The following TBC1D4 variants were observed in gnomAD, a reference collection of about 807,000 sequenced individuals.
The protein encoded by TBC1D4 is TBC (Tre-2, BUB2, CDC16) domain-containing protein.
A neutral mutation model predicts 142.5 loss-of-function variants in TBC1D4; 121 were observed. That is an observed-to-expected ratio of 0.85 (90% CI 0.73 to 0.99). TBC1D4 has a LOEUF of 0.99. Ranked by LOEUF, TBC1D4 falls within the 50% of genes least tolerant of loss-of-function variation. TBC1D4 has a pLI of 0.00. For synonymous variants in TBC1D4, 630 were observed against 628.2 expected, an observed-to-expected ratio of 1.00 and a Z score of -0.04; for missense variants, 1,475 against 1,606.6, an observed-to-expected ratio of 0.92 and a Z score of 1.40.
At chr13:75,331,432 C>T (rs994127523) in intron 8 of TBC1D4, among the ~76,000 whole-genome samples, 5 of 151,950 alleles carry the variant, frequency 3.3e-5, no homozygotes, top group East Asian at 3.9e-4. Context: ...CCCAGGAGTT[C>T]GAGGCTGCAG....
intron 12 of TBC1D4, among the ~76,000 whole-genome samples, chr13:75,315,514 T>C (rs1337508456): frequency 6.6e-6 from 1 of 151,840 alleles, no homozygotes. Context: ...AAATGTTCTA[T>C]ATATAATAGT....
At chr13:75,367,602 T>G (rs1462348562) in intron 1 of TBC1D4, among the ~76,000 whole-genome samples, 2 of 152,074 alleles carry the variant, frequency 1.3e-5, no homozygotes, top group Non-Finnish European at 2.9e-5. Context: ...AATAGCAATT[T>G]AAACTAGTCT....
At chr13:75,378,982 T>C (rs1883670048) in intron 1 of TBC1D4, among the ~76,000 whole-genome samples, 2 of 152,100 alleles carry the variant, frequency 1.3e-5, no homozygotes, top group South Asian at 2.1e-4. Context: ...TTGATGCAAA[T>C]TGGGTGAATT....
At chr13:75,319,878 A>G in intron 12 of TBC1D4, 136 bp downstream of exon 12, 1 of 811,646 alleles carries the variant, frequency 1.2e-6, no homozygotes, top group Non-Finnish European at 2.0e-6. Flanking sequence ...TTTCCCTACT[A>G]TATAGCCCTC....
chr13:75,314,402 G>C lies in TBC1D4; in HGVS notation c.2223-1504C>G, dbSNP rs1185455292. Among the ~76,000 whole-genome samples the C allele has an allele frequency of 2.6e-5, 4 of 152,266 alleles. No individual in the cohort carries two copies. In the East Asian group the frequency reaches 5.8e-4, roughly 22 times the overall value. On this transcript the variant is annotated intron_variant, in intron 12 of 20. Coordinates refer to ENST00000377636, the MANE Select transcript of TBC1D4 (RefSeq NM_014832.5). ...GTGTTGAGGCAATTAATAGTGAGAA[G>C]AGCAATTCAGCATCTGCCTATCGTA...
chr13:75,405,910 G>A (rs1289941664), intron 1 of TBC1D4, among the ~76,000 whole-genome samples: 1 of 152,180 alleles, frequency 6.6e-6, no homozygotes, highest in Non-Finnish European at 1.5e-5. Context: ...AGAATTAAGT[G>A]TCATTTTATT....
At chr13:75,444,833 C>A (rs1287312849) in intron 1 of TBC1D4, among the ~76,000 whole-genome samples, 1 of 152,088 alleles carries the variant, frequency 6.6e-6, no homozygotes, top group Non-Finnish European at 1.5e-5. Flanking sequence ...AATCATGACC[C>A]ATGGGTCTAC....
intron 12 of TBC1D4, among the ~76,000 whole-genome samples, chr13:75,317,902 A>G (rs1878448031): frequency 6.6e-6 from 1 of 152,192 alleles, no homozygotes; most frequent in African/African-American, 2.4e-5. Context: ...ATCCCCCAAT[A>G]TAGGGTAGGA....
chr13:75,437,075 G>C (rs765019695), intron 1 of TBC1D4, among the ~76,000 whole-genome samples: 1 of 152,134 alleles, frequency 6.6e-6, no homozygotes, highest in African/African-American at 2.4e-5. Context: ...TGAGAGAGTA[G>C]AAAAGACTAG....
intron 5 of TBC1D4, 36 bp downstream of exon 5, chr13:75,349,134 A>C (rs1881396553): frequency 1.2e-6 from 2 of 1,613,754 alleles, no homozygotes; most frequent in East Asian, 2.2e-5. Flanking sequence ...ATGCCAAAGC[A>C]AACTTCTCTT....
At chr13:75,421,609 TG>T (rs1392290711) in intron 1 of TBC1D4, among the ~76,000 whole-genome samples, 9 of 152,366 alleles carry the variant, frequency 5.9e-5, no homozygotes, top group Non-Finnish European at 1.5e-5. Context: ...GATACTCTAT[TG>T]GTTGTGTGTA....
intron 1 of TBC1D4, among the ~76,000 whole-genome samples, chr13:75,447,668 G>T (rs904996403): frequency 1.1e-4 from 17 of 152,110 alleles, no homozygotes; most frequent in African/African-American, 3.9e-4. Flanking sequence ...AGCAGGAGGT[G>T]AGCGGCAGGT....
chr13:75,316,186 T>A (rs1055464823), intron 12 of TBC1D4, among the ~76,000 whole-genome samples: 1 of 152,196 alleles, frequency 6.6e-6, no homozygotes, highest in Admixed American at 6.5e-5. Flanking sequence ...ACATATCAAG[T>A]GTTTAGAACG....
At chr13:75,313,450 G>A (rs1877981579) in intron 12 of TBC1D4, among the ~76,000 whole-genome samples, 1 of 152,162 alleles carries the variant, frequency 6.6e-6, no homozygotes, top group South Asian at 2.1e-4. Context: ...ATTGGTAGGT[G>A]ATATACTAAG....
intron 1 of TBC1D4, among the ~76,000 whole-genome samples, chr13:75,385,264 C>T (rs1884098661): frequency 1.3e-5 from 2 of 152,338 alleles, no homozygotes; most frequent in South Asian, 4.1e-4. Context: ...GCATCTTCCT[C>T]TCCCACAGAT....
At chr13:75,317,022 C>T (rs1878369603) in intron 12 of TBC1D4, among the ~76,000 whole-genome samples, 1 of 152,168 alleles carries the variant, frequency 6.6e-6, no homozygotes, top group Non-Finnish European at 1.5e-5. Context: ...ATCCTCACAG[C>T]AACCTTGCAA....
chr13:75,283,651 C>T lies in TBC1D4; in HGVS notation c.*3141G>A, dbSNP rs1360064693. Among the ~76,000 whole-genome samples the T allele has an allele frequency of 1.3e-5, 2 of 152,130 alleles. No individual in the cohort carries two copies. Among genetic ancestry groups the T allele is most frequent in the Non-Finnish European group, 2.9e-5 (2 of 68,028 alleles). On this transcript the variant is annotated 3_prime_UTR_variant, in exon 21 of 21. Transcript: ENST00000377636. The stretch of plus-strand genomic sequence containing the variant: ...GAAAATTTTGTATTTTCTTGTGGCT[C>T]TCTCTCCCTTGCTATCTATGAGGGG...
chr13:75,393,779 A>G (rs1446133856), intron 1 of TBC1D4, among the ~76,000 whole-genome samples: 1 of 152,060 alleles, frequency 6.6e-6, no homozygotes, highest in Non-Finnish European at 1.5e-5. Context: ...TAAAAATACA[A>G]AATTATCCAG....
At chr13:75,323,640 G>A (rs1214334911) in intron 11 of TBC1D4, among the ~76,000 whole-genome samples, 1 of 152,048 alleles carries the variant, frequency 6.6e-6, no homozygotes, top group African/African-American at 2.4e-5. Context: ...TCAAGAGGTC[G>A]TTCACAAGAT....
Sources: gnomAD v4.1 joint callset for allele counts (sites outside exome capture counted in the v4.1 genomes callset) on GRCh38, gnomAD v4.1.1 for gene constraint, MANE v1.5 for transcripts, NCBI Gene and HGNC (gene_info 2026-07-23, HGNC 2026-07-21) for gene names.